Variants in LNX1 observed in about 807,000 individuals in gnomAD.
LNX1 encodes the protein E3 ubiquitin-protein ligase LNX.
In LNX1, 54 loss-of-function variants were observed where a neutral mutation model predicts 68.4. The observed-to-expected ratio is 0.79, with a 90% CI of 0.63 to 0.99. The LOEUF (loss-of-function observed/expected upper bound fraction) is 0.99. LNX1 is among the 50% of genes least tolerant of loss of function. LNX1 has a pLI of 0.00. For missense variants in LNX1, 906 were observed against 926.4 expected (o/e 0.98, Z 0.29); for synonymous variants, 336 against 350.0 (o/e 0.96, Z 0.45).
At chr4:53,595,511 G>A (rs555616080), upstream of LNX1, among the ~76,000 whole-genome samples, 31 of 152,320 alleles carry the variant, frequency 2.0e-4, no homozygotes, top group African/African-American at 6.7e-4. Context: ...TCCAGGATAT[G>A]CCATTTCGGC....
chr4:53,569,006 T>C, intron 2 of LNX1, among the ~76,000 whole-genome samples: 1 of 150,276 alleles, frequency 6.7e-6, no homozygotes, highest in Non-Finnish European at 1.5e-5. Context: ...CTCAAGGAAA[T>C]AAAAGAGGAT....
At chr4:53,468,695 C>T (rs1040207768) in intron 9 of LNX1, among the ~76,000 whole-genome samples, 2 of 152,154 alleles carry the variant, frequency 1.3e-5, no homozygotes, top group Admixed American at 1.3e-4. Flanking sequence ...CAATCCTAGT[C>T]TCTGATAAAA....
At chr4:53,547,996 C>T (rs975773864) in intron 2 of LNX1, among the ~76,000 whole-genome samples, 10 of 151,836 alleles carry the variant, frequency 6.6e-5, no homozygotes, top group African/African-American at 2.4e-4. Context: ...TTTCAAGTTT[C>T]ATAAACCTGG....
intron 2 of LNX1, among the ~76,000 whole-genome samples, chr4:53,570,325 T>C (rs2109769615): frequency 6.6e-6 from 1 of 150,426 alleles, no homozygotes; most frequent in East Asian, 1.9e-4. Flanking sequence ...CATGGAATAC[T>C]ATGTAGCCAT....
chr4:53,534,883 C>T (rs1319830349), intron 2 of LNX1, among the ~76,000 whole-genome samples: 6 of 151,368 alleles, frequency 4.0e-5, no homozygotes, highest in Non-Finnish European at 3.0e-5. Context: ...AATGGTTGAC[C>T]TGTCTTAACA....
intron 6 of LNX1, among the ~76,000 whole-genome samples, chr4:53,483,655 A>G (rs572393108): frequency 1.3e-5 from 2 of 152,330 alleles, no homozygotes; most frequent in East Asian, 3.9e-4. Flanking sequence ...GGGACAAGGG[A>G]GATGGAAGAG....
At chr4:53,553,758 G>A (rs1368616552) in intron 2 of LNX1, among the ~76,000 whole-genome samples, 1 of 152,140 alleles carries the variant, frequency 6.6e-6, no homozygotes, top group African/African-American at 2.4e-5. Context: ...CTGATCTATG[G>A]ATTGGGACTC....
chr4:53,536,152 G>A (rs764079579), intron 2 of LNX1, among the ~76,000 whole-genome samples: 1 of 152,186 alleles, frequency 6.6e-6, no homozygotes, highest in African/African-American at 2.4e-5. Flanking sequence ...TAAGCAGGAA[G>A]AACTGGGTAG....
intron 2 of LNX1, among the ~76,000 whole-genome samples, chr4:53,541,598 A>C (rs1728769427): frequency 6.6e-6 from 1 of 152,224 alleles, no homozygotes; most frequent in Non-Finnish European, 1.5e-5. Context: ...GGATCACTGA[A>C]TAGTTCTGAC....
chr4:53,499,739 T>C (rs1725344568), intron 4 of LNX1, among the ~76,000 whole-genome samples: 1 of 152,214 alleles, frequency 6.6e-6, no homozygotes, highest in African/African-American at 2.4e-5. Context: ...TGGGGGAACA[T>C]CAGTTCTTTC....
chr4:53,466,857 T>G (rs1165899691), intron 9 of LNX1, among the ~76,000 whole-genome samples: 1 of 152,204 alleles, frequency 6.6e-6, no homozygotes, highest in Non-Finnish European at 1.5e-5. Flanking sequence ...GGAGCTCCAC[T>G]GTGGTGAAGC....
At chr4:53,481,999 T>C (rs924943191) in intron 6 of LNX1, 145 bp from the exon 7 acceptor site, 3 of 1,037,696 alleles carry the variant, frequency 2.9e-6, no homozygotes, top group African/African-American at 1.7e-5. Flanking sequence ...TTTGTTACTA[T>C]CCATCTTGTA....
intron 1 of LNX1, among the ~76,000 whole-genome samples, chr4:53,640,465 G>C (rs1577823712): frequency 6.6e-6 from 1 of 152,188 alleles, no homozygotes. Flanking sequence ...AAGAAAGTGA[G>C]TCTATGGCCT....
intron 9 of LNX1, among the ~76,000 whole-genome samples, chr4:53,468,291 C>T (rs1722860156): frequency 6.6e-6 from 1 of 152,246 alleles, no homozygotes; most frequent in East Asian, 1.9e-4. Context: ...CAAGCAAATG[C>T]TGAGAGATTT....
chr4:53,476,331 C>A (rs1197793917), intron 9 of LNX1, among the ~76,000 whole-genome samples: 1 of 152,138 alleles, frequency 6.6e-6, no homozygotes, highest in African/African-American at 2.4e-5. Flanking sequence ...AGAAGGCAGT[C>A]AGCCTCCCTG....
At chr4:53,495,976 C>T in intron 6 of LNX1, 47 bp downstream of exon 6, 1 of 1,573,820 alleles carries the variant, frequency 6.4e-7, no homozygotes, top group Non-Finnish European at 8.6e-7. Flanking sequence ...CATTCTTGCT[C>T]ATGTCCGGGG....
At chr4:53,482,436 C>CA (rs1216818215) in intron 6 of LNX1, among the ~76,000 whole-genome samples, 1 of 152,078 alleles carries the variant, frequency 6.6e-6, no homozygotes, top group Non-Finnish European at 1.5e-5. Flanking sequence ...TTCACAATCA[C>CA]AAAGACATGG....
intron 2 of LNX1, among the ~76,000 whole-genome samples, chr4:53,568,970 T>C (rs1419430193): frequency 6.6e-6 from 1 of 151,572 alleles, no homozygotes; most frequent in East Asian, 1.9e-4. Flanking sequence ...GTGAAGGACC[T>C]CTTCAAGGAG....
At chr4:53,528,377 A>G (rs1727778087) in intron 2 of LNX1, among the ~76,000 whole-genome samples, 1 of 152,228 alleles carries the variant, frequency 6.6e-6, no homozygotes, top group Admixed American at 6.5e-5. Context: ...TCACAATGCT[A>G]TGTCATAGCT....
Sources: gnomAD v4.1 joint callset for allele counts (sites outside exome capture counted in the v4.1 genomes callset) on GRCh38, gnomAD v4.1.1 for gene constraint, MANE v1.5 for transcripts, NCBI Gene and HGNC (gene_info 2026-07-23, HGNC 2026-07-21) for gene names.